PRKN: variants seen among roughly 807,000 people sequenced by gnomAD.
The protein encoded by PRKN is parkin RBR E3 ubiquitin protein ligase, also known as E3 ubiquitin-protein ligase parkin.
In PRKN, 56 loss-of-function variants were observed where a neutral mutation model predicts 59.5. That is an observed-to-expected ratio of 0.94 (90% CI 0.76 to 1.18). The LOEUF (loss-of-function observed/expected upper bound fraction) is 1.18. PRKN is among the 50% of genes most tolerant of loss of function. The pLI, the probability that PRKN is intolerant of heterozygous loss-of-function variation, is 0.00. For synonymous variants in PRKN, 250 were observed against 222.1 expected, an observed-to-expected ratio of 1.13 and a Z score of -1.12; for missense variants, 657 against 596.4, an observed-to-expected ratio of 1.10 and a Z score of -1.06.
rs950410960 is a variant in PRKN, at chr6:162,164,938, C to T, written c.534+36193G>A. On this transcript the variant is annotated intron_variant, in intron 4 of 11. Transcript: ENST00000366898. Reference sequence around the variant, plus strand: ...AATTCCAAATCTTTATGTCAAAAAACCTAGAAAATCTGCCAAATGTACCAT... The same window carrying T: ...AATTCCAAATCTTTATGTCAAAAAATCTAGAAAATCTGCCAAATGTACCAT... Among the ~76,000 whole-genome samples, 24 of 148,706 alleles carry T rather than the reference C, an allele frequency of 1.6e-4. 3 individuals are homozygous for T. The highest frequency in any genetic ancestry group is 6.1e-4 in the African/African-American group (24 of 39,408).
Position 161,458,750 on chromosome 6 carries a change from T to C in PRKN, c.1084-71873A>G, listed in dbSNP as rs372824531. Among the ~76,000 whole-genome samples the C allele has an allele frequency of 6.6e-6, 1 of 152,356 alleles. No individual in the cohort carries two copies. Among genetic ancestry groups the C allele is most frequent in the East Asian group, 1.9e-4 (1 of 5,182 alleles). ...CAGTAACTCCATGTCTGTGGAATTC[T>C]GTAGTCTGCATGTGTTAGGCTGTGG... On this transcript the variant is annotated intron_variant, in intron 9 of 11. Transcript: ENST00000366898. This position sits in a 1 kb window ranked among gnomAD's most constrained non-coding sequence, Gnocchi z 6.1.
chr6:162,593,184 A>C (rs1480624107), intron 1 of PRKN, among the ~76,000 whole-genome samples: 1 of 152,228 alleles, frequency 6.6e-6, no homozygotes, highest in South Asian at 2.1e-4. Flanking sequence ...ATAGAAGTAA[A>C]GTCAGAAAGA....
chr6:162,042,024 T>C (rs1784085632), intron 5 of PRKN, among the ~76,000 whole-genome samples: 1 of 152,098 alleles, frequency 6.6e-6, no homozygotes, highest in Non-Finnish European at 1.5e-5. Context: ...TTTACATTTC[T>C]AGTTTTGTGA....
At chr6:162,449,350 T>A (rs1790479390) in intron 1 of PRKN, among the ~76,000 whole-genome samples, 1 of 152,198 alleles carries the variant, frequency 6.6e-6, no homozygotes, top group African/African-American at 2.4e-5. Context: ...TAGTCCTTCA[T>A]TTCTAACCTA....
rs74705721 is a variant in PRKN at position 161,565,072 on chromosome 6, C to A, written c.933+4283G>T. On this transcript the variant is annotated intron_variant, in intron 8 of 11. Transcript: ENST00000366898. ...CCCTGTCCTCTCTCTCATCTGGGTT[C>A]TCTGCTTGCCCAGCTGAAATTTCAT... Among the ~76,000 whole-genome samples, 504 of 152,276 alleles carry A rather than the reference C, an allele frequency of 3.3e-3. 11 individuals carry two copies. The East Asian group carries it at 0.057, about 17-fold the overall frequency.
At position 161,647,707 on chromosome 6, in the gene PRKN, T is replaced by G. The variant is rs1015680525; in HGVS notation, c.872-78291A>C. ...TATTAGTCATCTAAATGAAGAAGTT[T>G]GCTAATGTTCTAAATCTTTCTATCC... On this transcript the variant is annotated intron_variant, in intron 7 of 11. Transcript: ENST00000366898. Among the ~76,000 whole-genome samples, 4 of 152,244 alleles carry G rather than the reference T, an allele frequency of 2.6e-5. 1 individual carries two copies. The highest frequency in any genetic ancestry group is 7.2e-5 in the African/African-American group (3 of 41,462).
Position 162,717,951 on chromosome 6 carries a change from C to T in PRKN, c.7+9711G>A, listed in dbSNP as rs564698027. Among the ~76,000 whole-genome samples, 12 of 152,296 alleles carry T rather than the reference C, an allele frequency of 7.9e-5. No individual in the cohort carries two copies. In the South Asian group the frequency reaches 1.7e-3, roughly 21 times the overall value. ...TATTTCCAAAACATTATACGCTTAA[C>T]GCTGAAGATCTGAAAAACACAATCA... On this transcript the variant is annotated intron_variant, in intron 1 of 11. Coordinates refer to ENST00000366898, the MANE Select transcript of PRKN (RefSeq NM_004562.3).
At chr6:162,242,840 A>G (rs952340027) in intron 3 of PRKN, among the ~76,000 whole-genome samples, 6 of 152,150 alleles carry the variant, frequency 3.9e-5, no homozygotes, top group Admixed American at 3.9e-4. Flanking sequence ...TTATTACCGT[A>G]GAAAACTGCA....
intron 7 of PRKN, among the ~76,000 whole-genome samples, chr6:161,596,776 A>G (rs1300150789): frequency 6.6e-6 from 1 of 152,200 alleles, no homozygotes; most frequent in Non-Finnish European, 1.5e-5. Context: ...TAGGAGAATG[A>G]AAGTGCTGAC....
At chr6:162,617,507 C>G (rs1401613291) in intron 1 of PRKN, among the ~76,000 whole-genome samples, 2 of 152,202 alleles carry the variant, frequency 1.3e-5, no homozygotes, top group African/African-American at 4.8e-5. Context: ...GCTGGGATTA[C>G]AGGCATGAGT....
chr6:162,376,708 A>G (rs1010124944), intron 2 of PRKN, among the ~76,000 whole-genome samples: 2 of 135,086 alleles, frequency 1.5e-5, no homozygotes, highest in Non-Finnish European at 3.2e-5. Flanking sequence ...ACGGAGAGAG[A>G]GGGGGAAAGG....
intron 9 of PRKN, among the ~76,000 whole-genome samples, chr6:161,489,446 G>A (rs1777463841): frequency 6.6e-6 from 1 of 152,088 alleles, no homozygotes; most frequent in South Asian, 2.1e-4. Context: ...TGCAGTCCCA[G>A]CTACTCAGGA....
intron 4 of PRKN, among the ~76,000 whole-genome samples, chr6:162,098,923 C>T (rs1435676333): frequency 2.0e-5 from 3 of 152,134 alleles, no homozygotes; most frequent in Admixed American, 1.3e-4. Context: ...GGACTTGTCA[C>T]TCTGCCACCA....
rs71004055 is a variant in PRKN, at chr6:161,581,041, A to AACACACACACAC, written c.872-11637_872-11626dup. Among the ~76,000 whole-genome samples, 1,734 of 137,606 alleles carry AACACACACACAC rather than the reference A, an allele frequency of 0.013. 32 individuals are homozygous for AACACACACACAC. Among genetic ancestry groups the AACACACACACAC allele is most frequent in the African/African-American group, 0.035 (1,250 of 35,964 alleles). 90.3% of individuals were successfully genotyped at this position (137,606 alleles called of 152,430 possible). On this transcript the variant is annotated intron_variant, in intron 7 of 11. Transcript: ENST00000366898. This position sits in a 1 kb window ranked among gnomAD's most constrained non-coding sequence, Gnocchi z 4.5. Reference sequence around the variant, plus strand: ...ACACAGTGAAATCCTGTCTCTACTAAACACACACACACACACACACACACA... The same window carrying AACACACACACAC: ...ACACAGTGAAATCCTGTCTCTACTAAACACACACACACACACACACACACACACACACACACA...
At chr6:161,969,878 C>T (rs1780735001) in intron 6 of PRKN, among the ~76,000 whole-genome samples, 1 of 152,144 alleles carries the variant, frequency 6.6e-6, no homozygotes, top group South Asian at 2.1e-4. Context: ...ATTTTTCTCA[C>T]CCTTCAAAGA....
intron 7 of PRKN, among the ~76,000 whole-genome samples, chr6:161,659,668 C>T (rs993252): frequency 0.26 from 38,696 of 151,728 alleles, 5,215 homozygotes; most frequent in African/African-American, 0.35. Context: ...AGGTGGGCAA[C>T]GGCCCTGGAG....
intron 1 of PRKN, among the ~76,000 whole-genome samples, chr6:162,674,799 T>A (rs930006777): frequency 6.6e-6 from 1 of 152,012 alleles, no homozygotes; most frequent in African/African-American, 2.4e-5. Context: ...CAACAACTAA[T>A]GCTAGGTAAT....
At chr6:162,226,853 A>T (rs547715454) in intron 3 of PRKN, among the ~76,000 whole-genome samples, 1 of 152,338 alleles carries the variant, frequency 6.6e-6, no homozygotes, top group South Asian at 2.1e-4. Flanking sequence ...TGCTTCAGCC[A>T]CTGGCTCAGG....
intron 6 of PRKN, among the ~76,000 whole-genome samples, chr6:161,921,657 A>G (rs1352453984): frequency 6.6e-6 from 1 of 152,180 alleles, no homozygotes; most frequent in East Asian, 1.9e-4. Flanking sequence ...TCTGTCATGG[A>G]CTGAAGTGTC....
Sources: gnomAD v4.1 joint callset for allele counts (sites outside exome capture counted in the v4.1 genomes callset) on GRCh38, gnomAD v4.1.1 for gene constraint, Gnocchi (gnomAD v3.1) non-coding constraint, MANE v1.5 for transcripts, NCBI Gene and HGNC (gene_info 2026-07-23, HGNC 2026-07-21) for gene names.